Variants in ROR1 observed in about 807,000 individuals in gnomAD.
ROR1 encodes ROR family WNT receptor 1.
ROR1 carries 19 observed loss-of-function variants against 78.8 expected under a neutral mutation model. That is an observed-to-expected ratio of 0.24 (90% CI 0.17 to 0.35). The LOEUF is 0.35. Among genes scored for constraint, ROR1 ranks in the 10% least tolerant of loss-of-function variants. ROR1 has a pLI of 1.00. For missense variants in ROR1, 917 were observed against 1,177.8 expected (o/e 0.78, Z 3.24); for synonymous variants, 386 against 433.6 (o/e 0.89, Z 1.36).
intron 1 of ROR1, among the ~76,000 whole-genome samples, chr1:63,992,829 AGT>A (rs1646306711): frequency 6.6e-6 from 1 of 152,178 alleles, no homozygotes; most frequent in South Asian, 2.1e-4. Flanking sequence ...TCTGCTAATG[AGT>A]GTAGACTTTG....
intron 2 of ROR1, among the ~76,000 whole-genome samples, chr1:64,040,969 A>G (rs575479781): frequency 1.3e-5 from 2 of 152,316 alleles, no homozygotes; most frequent in South Asian, 4.1e-4. Context: ...TAAAAATCAT[A>G]GCACCTTTGG....
intron 1 of ROR1, among the ~76,000 whole-genome samples, chr1:63,818,377 A>G (rs1199695819): frequency 1.3e-5 from 2 of 152,198 alleles, no homozygotes; most frequent in Non-Finnish European, 2.9e-5. Context: ...TCCTACAAAT[A>G]TTGTATCATG....
intron 4 of ROR1, among the ~76,000 whole-genome samples, chr1:64,133,126 G>C (rs1051881987): frequency 6.6e-5 from 10 of 152,144 alleles, no homozygotes; most frequent in Non-Finnish European, 1.2e-4. Context: ...TTCCAGGGAA[G>C]GTAGGGGCAT....
At chr1:64,003,762 C>T (rs924116959) in intron 1 of ROR1, among the ~76,000 whole-genome samples, 10 of 152,162 alleles carry the variant, frequency 6.6e-5, no homozygotes, top group South Asian at 2.1e-4. Flanking sequence ...TCCAAACAGG[C>T]GCCTTTGGTT....
chr1:64,162,767 T>A (rs183597900), intron 8 of ROR1, among the ~76,000 whole-genome samples: 1 of 152,244 alleles, frequency 6.6e-6, no homozygotes, highest in East Asian at 1.9e-4. Flanking sequence ...TTACAAATTT[T>A]ACAATCTGAG....
At chr1:63,826,982 C>T (rs74747642) in intron 1 of ROR1, among the ~76,000 whole-genome samples, 4,928 of 152,066 alleles carry the variant, frequency 0.032, 186 homozygotes, top group South Asian at 0.095. Flanking sequence ...CACCATGGAA[C>T]ACTGTGCAGC....
At chr1:64,143,685 C>T (rs896045570) in intron 7 of ROR1, among the ~76,000 whole-genome samples, 29 of 152,232 alleles carry the variant, frequency 1.9e-4, no homozygotes, top group East Asian at 1.4e-3. Flanking sequence ...CATGGGGAGA[C>T]GCCAGGGACC....
chr1:64,123,848 C>A (rs771620237), intron 4 of ROR1, among the ~76,000 whole-genome samples: 6 of 152,014 alleles, frequency 3.9e-5, no homozygotes, highest in African/African-American at 1.4e-4. Context: ...AATGTGCATA[C>A]CTTTTACCCC....
chr1:63,912,546 C>A (rs1271337538), intron 1 of ROR1, among the ~76,000 whole-genome samples: 1 of 152,088 alleles, frequency 6.6e-6, no homozygotes. Flanking sequence ...GGATAGATAA[C>A]ATGTACAAAG....
rs1018018392 is a variant in ROR1, at chr1:63,957,745, G to T, written c.92-51560G>T. On this transcript the variant is annotated intron_variant, in intron 1 of 8. Coordinates refer to ENST00000371079, the MANE Select transcript of ROR1 (RefSeq NM_005012.4). ...ATAACCCTTTTTTTGTTTGTTTTTT[G>T]TTTTTTTTTTTTTTGGAGACAGAGT... Among the ~76,000 whole-genome samples, 334 of 136,548 alleles carry T rather than the reference G, an allele frequency of 2.4e-3. 2 individuals carry two copies. The highest frequency in any genetic ancestry group is 3.5e-3 in the Non-Finnish European group (219 of 62,190). The allele number at this position is 136,548 out of a possible 152,430, so 89.6% of individuals were successfully genotyped here.
At position 63,953,721 on chromosome 1, in the gene ROR1, A is replaced by G. The variant is rs1645959468; in HGVS notation, c.92-55584A>G. Reference sequence around the variant, plus strand: ...CAGAAAGTTGTTACTGTGGCAGCACAGATTTCCCACAGTAAGGGCCTTCAT... The same window carrying G: ...CAGAAAGTTGTTACTGTGGCAGCACGGATTTCCCACAGTAAGGGCCTTCAT... On this transcript the variant is annotated intron_variant, in intron 1 of 8. Transcript: ENST00000371079. Among the ~76,000 whole-genome samples, 3 of 152,232 alleles carry G rather than the reference A, an allele frequency of 2.0e-5. No homozygotes were observed. In the South Asian group the frequency reaches 6.2e-4, roughly 32 times the overall value.
chr1:64,151,251 G>T (rs1190618555), intron 7 of ROR1, among the ~76,000 whole-genome samples: 3 of 152,154 alleles, frequency 2.0e-5, no homozygotes, highest in African/African-American at 4.8e-5. Context: ...TGAGACTGAA[G>T]AGAGGGCTGT....
chr1:63,894,621 T>G (rs1569872358), intron 1 of ROR1, among the ~76,000 whole-genome samples: 1 of 152,078 alleles, frequency 6.6e-6, no homozygotes, highest in African/African-American at 2.4e-5. Flanking sequence ...GACAGGTGGG[T>G]AAGAGAAATA....
At chr1:64,039,605 A>G (rs1459016710) in intron 2 of ROR1, among the ~76,000 whole-genome samples, 1 of 152,218 alleles carries the variant, frequency 6.6e-6, no homozygotes, top group African/African-American at 2.4e-5. Context: ...TGAAAGCACA[A>G]CTGTTGCATT....
At chr1:64,037,892 G>T (rs1646715655) in intron 2 of ROR1, among the ~76,000 whole-genome samples, 1 of 152,052 alleles carries the variant, frequency 6.6e-6, no homozygotes, top group South Asian at 2.1e-4. Flanking sequence ...CAACTGCACA[G>T]CTTCTGCCCT....
chr1:63,973,434 TG>T (rs1380033175), intron 1 of ROR1, among the ~76,000 whole-genome samples: 1 of 152,084 alleles, frequency 6.6e-6, no homozygotes, highest in African/African-American at 2.4e-5. Flanking sequence ...CCAGTCCCAG[TG>T]GGAAGATAGA....
intron 7 of ROR1, chr1:64,142,931 C>G: frequency 1.6e-6 from 2 of 1,232,138 alleles, no homozygotes; most frequent in Non-Finnish European, 2.0e-6. Context: ...GACAGTTTAT[C>G]ACATTGATTT....
At chr1:63,964,743 G>A (rs1205166104) in intron 1 of ROR1, among the ~76,000 whole-genome samples, 1 of 152,200 alleles carries the variant, frequency 6.6e-6, no homozygotes, top group African/African-American at 2.4e-5. Flanking sequence ...CACACCATGT[G>A]CTGATATTAA....
At chr1:64,003,999 C>G (rs963447024) in intron 1 of ROR1, among the ~76,000 whole-genome samples, 5 of 152,200 alleles carry the variant, frequency 3.3e-5, no homozygotes, top group African/African-American at 1.2e-4. Context: ...CTGACCCTGG[C>G]TGCTTGGAAA....
Sources: gnomAD v4.1 joint callset for allele counts (sites outside exome capture counted in the v4.1 genomes callset) on GRCh38, gnomAD v4.1.1 for gene constraint, MANE v1.5 for transcripts, NCBI Gene and HGNC (gene_info 2026-07-23, HGNC 2026-07-21) for gene names.